Variants in ABCB4 observed in about 807,000 individuals in gnomAD.
ABCB4 encodes the protein phosphatidylcholine translocator ABCB4.
Under a neutral mutation model 145.7 loss-of-function variants are expected in ABCB4, and 76 were observed. The ratio of observed to expected loss-of-function variants is 0.52; its 90% CI spans 0.43 to 0.63. The LOEUF is 0.63. ABCB4 is among the 30% of genes least tolerant of loss of function. The probability of loss-of-function intolerance (pLI) is 0.00; values close to 1 mark genes in which losing one functional copy is unlikely to be tolerated. For synonymous variants in ABCB4, 517 were observed against 566.8 expected, an observed-to-expected ratio of 0.91 and a Z score of 1.25; for missense variants, 1,234 against 1,553.1, an observed-to-expected ratio of 0.79 and a Z score of 3.45.
chr7:87,413,219 C>G (rs1353365721), intron 22 of ABCB4, among the ~76,000 whole-genome samples: 1 of 152,200 alleles, frequency 6.6e-6, no homozygotes, highest in East Asian at 1.9e-4. Context: ...AAATGAAATA[C>G]TTTCCTCTGG....
chr7:87,449,470 T>A (rs372015683), intron 8 of ABCB4, among the ~76,000 whole-genome samples: 1 of 152,034 alleles, frequency 6.6e-6, no homozygotes, highest in East Asian at 1.9e-4. Context: ...TTTTTTGTGA[T>A]AGAGGCTCAC....
At chr7:87,381,857 C>T in the ABCB4 span, 3 of 1,261,364 alleles carry the variant, frequency 2.4e-6, no homozygotes, top group Non-Finnish European at 3.4e-6. Context: ...AATATTGGGT[C>T]AAGTTTTAAG....
chr7:87,391,445 G>GC, the ABCB4 span: 1 of 700,708 alleles, frequency 1.4e-6, no homozygotes, highest in Non-Finnish European at 2.2e-6. Context: ...TTGGAAATAG[G>GC]CTCTTTTTTG....
chr7:87,372,673 C>G, the ABCB4 span, among the ~76,000 whole-genome samples: 1 of 152,146 alleles, frequency 6.6e-6, no homozygotes, highest in Non-Finnish European at 1.5e-5. Flanking sequence ...CTATTTTATA[C>G]ATTTTATTAA....
At chr7:87,402,731 G>T (rs1807884193) in intron 27 of ABCB4, among the ~76,000 whole-genome samples, 1 of 152,148 alleles carries the variant, frequency 6.6e-6, no homozygotes, top group Non-Finnish European at 1.5e-5. Context: ...GCCGGGCAAG[G>T]TGGCTCACGC....
intron 22 of ABCB4, among the ~76,000 whole-genome samples, chr7:87,413,250 T>TG (rs1201914941): frequency 1.3e-5 from 2 of 152,210 alleles, no homozygotes; most frequent in East Asian, 3.8e-4. Flanking sequence ...ATAGCAAGTC[T>TG]CACTTTTGGT....
chr7:87,475,117 T>C (rs576404670), intron 2 of ABCB4, among the ~76,000 whole-genome samples: 114 of 152,314 alleles, frequency 7.5e-4, no homozygotes, highest in African/African-American at 2.5e-3. Context: ...CAGATATTCA[T>C]TGAATCCCCC....
chr7:87,422,253 T>G, intron 17 of ABCB4, 28 bp from the exon 18 acceptor site: 1 of 1,522,762 alleles, frequency 6.6e-7, no homozygotes, highest in Non-Finnish European at 9.1e-7. Flanking sequence ...AAACGCCCAC[T>G]TGGATTACAT....
At chr7:87,459,405 T>C (rs1812307051) in intron 4 of ABCB4, among the ~76,000 whole-genome samples, 1 of 152,194 alleles carries the variant, frequency 6.6e-6, no homozygotes, top group Admixed American at 6.5e-5. Flanking sequence ...TTTATCTTTT[T>C]TTGAGTGGCT....
intron 4 of ABCB4, 94 bp from the exon 5 acceptor site, chr7:87,454,686 G>T: frequency 1.1e-6 from 1 of 931,950 alleles, no homozygotes; most frequent in East Asian, 2.6e-5. Flanking sequence ...TTAAATGTAT[G>T]AAAGCTAGAA....
the ABCB4 span, chr7:87,382,595 CTTTTTT>C: frequency 6.5e-7 from 1 of 1,538,764 alleles, no homozygotes; most frequent in South Asian, 1.3e-5. Context: ...AAGGGTATAT[CTTTTTT>C]TATAGCTATT....
At chr7:87,375,533 C>T in the ABCB4 span, 1 of 774,734 alleles carries the variant, frequency 1.3e-6, no homozygotes, top group Non-Finnish European at 2.1e-6. Context: ...GTAATATATC[C>T]AAACATTTAA....
intron 7 of ABCB4, among the ~76,000 whole-genome samples, chr7:87,451,310 A>G (rs1446333148): frequency 6.6e-6 from 1 of 151,854 alleles, no homozygotes; most frequent in African/African-American, 2.4e-5. Context: ...AGTTTTTCAT[A>G]TTTTTAGTAG....
chr7:87,474,251 A>G (rs1343052958), intron 2 of ABCB4, among the ~76,000 whole-genome samples: 2 of 152,106 alleles, frequency 1.3e-5, no homozygotes, highest in Non-Finnish European at 1.5e-5. Flanking sequence ...CTATTAATAG[A>G]CTCACAGTCA....
Position 87,404,957 on chromosome 7 carries a change from A to T in ABCB4, c.3486+1331T>A, listed in dbSNP as rs45613134. Among the ~76,000 whole-genome samples the T allele has an allele frequency of 1.7e-4, 26 of 152,364 alleles. No individual in the cohort carries two copies. The East Asian group carries it at 4.6e-3, about 27-fold the overall frequency. On this transcript the variant is annotated intron_variant, in intron 26 of 27. Transcript: ENST00000649586. ...GGATGGCCACTCTGGAAAACAGTTTAGCAGTGGCTTATAAACTAAACATGA... is the reference window on the plus strand; with the variant it reads ...GGATGGCCACTCTGGAAAACAGTTTTGCAGTGGCTTATAAACTAAACATGA...
the ABCB4 span, chr7:87,375,650 C>CA: frequency 6.2e-7 from 1 of 1,612,986 alleles, no homozygotes; most frequent in South Asian, 1.1e-5. Context: ...CATATATCCA[C>CA]AAGAAGTGCC....
chr7:87,439,225 T>A (rs542674958), intron 14 of ABCB4, among the ~76,000 whole-genome samples: 1 of 152,306 alleles, frequency 6.6e-6, no homozygotes, highest in Non-Finnish European at 1.5e-5. Context: ...AGAGTTGAAC[T>A]TTATTTCCAG....
intron 14 of ABCB4, among the ~76,000 whole-genome samples, chr7:87,437,993 A>G (rs900054187): frequency 6.6e-6 from 1 of 152,232 alleles, no homozygotes; most frequent in Non-Finnish European, 1.5e-5. Context: ...TTGCAAGATC[A>G]CAGTTTTTCT....
chr7:87,383,721 T>C, the ABCB4 span, among the ~76,000 whole-genome samples: 5 of 152,114 alleles, frequency 3.3e-5, no homozygotes, highest in African/African-American at 1.2e-4. Flanking sequence ...GGTCTCTAAC[T>C]CCTGAGCTCA....
Sources: allele counts gnomAD v4.1 joint callset (sites outside exome capture counted in the v4.1 genomes callset), GRCh38; gene constraint gnomAD v4.1.1; transcripts MANE v1.5; gene names NCBI Gene and HGNC (gene_info 2026-07-23, HGNC 2026-07-21).